The following TFEC variants were observed in gnomAD, a reference collection of about 807,000 sequenced individuals.
The protein encoded by TFEC is class E basic helix-loop-helix protein 34.
A neutral mutation model predicts 41.6 loss-of-function variants in TFEC; 31 were observed. The observed-to-expected ratio is 0.74, with a 90% confidence interval of 0.56 to 1.01. TFEC has a LOEUF of 1.01. TFEC is among the 50% of genes least tolerant of loss of function. TFEC has a pLI of 0.00. For missense variants in TFEC, 402 were observed against 404.1 expected (o/e 0.99, Z 0.04); for synonymous variants, 143 against 140.6 (o/e 1.02, Z -0.12).
intron 3 of TFEC, among the ~76,000 whole-genome samples, chr7:116,109,517 C>T (rs188188798): frequency 2.2e-4 from 34 of 152,140 alleles, no homozygotes; most frequent in East Asian, 9.7e-4. Context: ...ATCAAAACCA[C>T]AATGAGATAC....
chr7:116,014,486 C>T (rs1795117142), intron 1 of TFEC, among the ~76,000 whole-genome samples: 1 of 151,794 alleles, frequency 6.6e-6, no homozygotes, highest in East Asian at 1.9e-4. Flanking sequence ...TACAAACCAA[C>T]TTTAAAAAAG....
intron 3 of TFEC, among the ~76,000 whole-genome samples, chr7:115,962,098 C>T (rs1011026471): frequency 6.6e-6 from 1 of 151,444 alleles, no homozygotes; most frequent in African/African-American, 2.4e-5. Flanking sequence ...ATTTAAATAG[C>T]ATCAAAAGGA....
chr7:115,966,195 C>G (rs1225743500), intron 3 of TFEC, among the ~76,000 whole-genome samples: 1 of 151,698 alleles, frequency 6.6e-6, no homozygotes, highest in Non-Finnish European at 1.5e-5. Flanking sequence ...CCCACTTTCT[C>G]TATTCGACAT....
At chr7:115,945,744 G>T (rs1364937360) in intron 6 of TFEC, among the ~76,000 whole-genome samples, 1 of 151,678 alleles carries the variant, frequency 6.6e-6, no homozygotes, top group Non-Finnish European at 1.5e-5. Flanking sequence ...AACAATGCTT[G>T]CAATGCAGTT....
intron 1 of TFEC, among the ~76,000 whole-genome samples, chr7:116,006,923 T>C (rs1356040709): frequency 6.6e-6 from 1 of 152,074 alleles, no homozygotes; most frequent in Non-Finnish European, 1.5e-5. Flanking sequence ...CCCTGCACAA[T>C]CTCTCTTCTC....
chr7:116,120,900 A>G (rs940520081), intron 1 of TFEC, among the ~76,000 whole-genome samples: 1 of 151,954 alleles, frequency 6.6e-6, no homozygotes, highest in African/African-American at 2.4e-5. Flanking sequence ...CCAATGCATC[A>G]TGTGCCTGTA....
chr7:115,943,379 T>C (rs531514755), intron 6 of TFEC, among the ~76,000 whole-genome samples: 1 of 151,966 alleles, frequency 6.6e-6, no homozygotes, highest in African/African-American at 2.4e-5. Context: ...TTATTTTGTG[T>C]CATTTTTTCT....
chr7:116,046,854 A>T (rs1046901266), intron 3 of TFEC, among the ~76,000 whole-genome samples: 1 of 152,228 alleles, frequency 6.6e-6, no homozygotes, highest in Non-Finnish European at 1.5e-5. Context: ...TTTTGTTATG[A>T]TAAATGATTC....
At chr7:116,134,355 G>A (rs1354059324) in intron 1 of TFEC, among the ~76,000 whole-genome samples, 2 of 151,986 alleles carry the variant, frequency 1.3e-5, no homozygotes, top group Non-Finnish European at 2.9e-5. Context: ...TAAAAAGAAA[G>A]AGGGAAGGAA....
At chr7:115,992,817 C>T (rs923804547) in intron 1 of TFEC, among the ~76,000 whole-genome samples, 2 of 152,122 alleles carry the variant, frequency 1.3e-5, no homozygotes, top group Non-Finnish European at 2.9e-5. Flanking sequence ...CTATTCCAAT[C>T]AATAGAAAAA....
upstream of TFEC, among the ~76,000 whole-genome samples, chr7:116,034,120 C>T (rs1405928851): frequency 6.6e-6 from 1 of 152,110 alleles, no homozygotes; most frequent in Admixed American, 6.6e-5. Flanking sequence ...ACTACAGACT[C>T]AAATTTTCAC....
At chr7:116,000,827 C>T (rs1316389940) in intron 1 of TFEC, among the ~76,000 whole-genome samples, 1 of 151,766 alleles carries the variant, frequency 6.6e-6, no homozygotes, top group Non-Finnish European at 1.5e-5. Context: ...GAAGACATTC[C>T]ATGCTAATGA....
chr7:116,035,683 A>G (rs138755453), upstream of TFEC, among the ~76,000 whole-genome samples: 456 of 152,210 alleles, frequency 3.0e-3, 3 homozygotes, highest in Admixed American at 7.3e-3. Flanking sequence ...CTAATATATA[A>G]TAGACAGAAA....
At chr7:115,998,849 T>C (rs1013311351) in intron 1 of TFEC, among the ~76,000 whole-genome samples, 4 of 127,010 alleles carry the variant, frequency 3.1e-5, no homozygotes, top group African/African-American at 7.8e-5. Flanking sequence ...TTATTAGCGC[T>C]AAAGAGAGAG....
At chr7:116,034,576 A>G (rs34453685), upstream of TFEC, among the ~76,000 whole-genome samples, 27,480 of 151,564 alleles carry the variant, frequency 0.18, 2,540 homozygotes, top group East Asian at 0.33. Context: ...TTCCATTGCT[A>G]TTATCTGAGT....
chr7:116,133,663 G>T (rs1033203038), intron 1 of TFEC, among the ~76,000 whole-genome samples: 2 of 149,772 alleles, frequency 1.3e-5, no homozygotes, highest in South Asian at 2.1e-4. Context: ...TCCCAAAAAT[G>T]TAGCTTTTTT....
chr7:116,108,687 C>T (rs767543178), intron 3 of TFEC, among the ~76,000 whole-genome samples: 1 of 152,106 alleles, frequency 6.6e-6, no homozygotes, highest in Non-Finnish European at 1.5e-5. Flanking sequence ...AATATATCCT[C>T]ATAGTGTTTG....
At chr7:116,099,076 T>C (rs1481209561) in intron 3 of TFEC, among the ~76,000 whole-genome samples, 2 of 152,214 alleles carry the variant, frequency 1.3e-5, no homozygotes, top group Non-Finnish European at 2.9e-5. Flanking sequence ...AATTGGACTT[T>C]ATCAAAATTA....
chr7:116,063,961 A>C (rs1479809638), intron 3 of TFEC, among the ~76,000 whole-genome samples: 1 of 152,168 alleles, frequency 6.6e-6, no homozygotes, highest in Non-Finnish European at 1.5e-5. Flanking sequence ...TATGTACCCA[A>C]AGTGAAATAA....
Sources: allele counts gnomAD v4.1 joint callset (sites outside exome capture counted in the v4.1 genomes callset), GRCh38; gene constraint gnomAD v4.1.1; transcripts MANE v1.5; gene names NCBI Gene and HGNC (gene_info 2026-07-23, HGNC 2026-07-21).